LRRC49: variants seen among roughly 807,000 people sequenced by gnomAD.
LRRC49 encodes leucine-rich repeat-containing protein 49.
In LRRC49, 50 loss-of-function variants were observed where a neutral mutation model predicts 83.3. That is an observed-to-expected ratio of 0.60 (90% CI 0.48 to 0.76). The LOEUF (loss-of-function observed/expected upper bound fraction) is 0.76. LRRC49 is among the 30% of genes least tolerant of loss of function. The pLI is 0.00. For synonymous variants in LRRC49, 286 were observed against 283.3 expected, an observed-to-expected ratio of 1.01 and a Z score of -0.10; for missense variants, 704 against 809.1, an observed-to-expected ratio of 0.87 and a Z score of 1.58.
intron 13 of LRRC49, among the ~76,000 whole-genome samples, chr15:71,012,298 C>T (rs2038679951): frequency 6.6e-6 from 1 of 152,060 alleles, no homozygotes; most frequent in Non-Finnish European, 1.5e-5. Context: ...GGGAGAAAGA[C>T]TGATAGAATG....
At chr15:70,860,059 C>T (rs1469176895) in intron 1 of LRRC49, 5 of 734,856 alleles carry the variant, frequency 6.8e-6, no homozygotes, top group Non-Finnish European at 1.2e-5. Context: ...GCGCAGGCTC[C>T]AGCTCCTTCA....
chr15:70,883,406 C>T (rs2033319040), intron 2 of LRRC49, among the ~76,000 whole-genome samples: 1 of 152,084 alleles, frequency 6.6e-6, no homozygotes, highest in African/African-American at 2.4e-5. Context: ...GTTAGCCAGG[C>T]TGGTCTCGAA....
intron 2 of LRRC49, chr15:70,882,703 T>A: frequency 6.2e-7 from 1 of 1,612,298 alleles, no homozygotes; most frequent in South Asian, 1.1e-5. Context: ...TTTTCATATA[T>A]CTTTAATATA....
In LRRC49 at chr15:70,964,891, A is replaced by G. The variant is rs192518630; in HGVS notation, c.921+959A>G. On this transcript the variant is annotated intron_variant, in intron 9 of 15. Transcript: ENST00000260382. The stretch of plus-strand genomic sequence containing the variant: ...CTGACCTATTTCTTTGTATATTAGC[A>G]TCACAATGTGTGCAGTTTTCATTTA... 5.3e-4 allele frequency among the ~76,000 whole-genome samples: 80 copies of G among 152,292 alleles called. 1 individual carries two copies. The highest frequency in any genetic ancestry group is 8.8e-4 in the Non-Finnish European group (60 of 68,004).
At chr15:70,943,654 A>G (rs1462307205) in intron 8 of LRRC49, among the ~76,000 whole-genome samples, 1 of 152,146 alleles carries the variant, frequency 6.6e-6, no homozygotes, top group Admixed American at 6.5e-5. Flanking sequence ...TTACCAGTCA[A>G]CTGTTCCTAG....
At chr15:70,920,101 A>T (rs1486846787) in intron 7 of LRRC49, among the ~76,000 whole-genome samples, 1 of 152,148 alleles carries the variant, frequency 6.6e-6, no homozygotes, top group African/African-American at 2.4e-5. Context: ...CTATAGAAAA[A>T]CTGCTTTAAG....
At chr15:70,868,487 G>T (rs2032958852) in intron 1 of LRRC49, among the ~76,000 whole-genome samples, 1 of 152,188 alleles carries the variant, frequency 6.6e-6, no homozygotes, top group Non-Finnish European at 1.5e-5. Context: ...GAGGGCTTAG[G>T]CAGAACTCTT....
intron 12 of LRRC49, 25 bp from the exon 13 acceptor site, chr15:71,009,782 C>T (rs781421681): frequency 6.0e-6 from 9 of 1,506,284 alleles, no homozygotes; most frequent in Non-Finnish European, 8.2e-6. Context: ...ATGTTCTGAT[C>T]TGTATTTGTG....
intron 8 of LRRC49, among the ~76,000 whole-genome samples, chr15:70,960,820 A>G (rs958446499): frequency 2.0e-5 from 3 of 152,212 alleles, no homozygotes; most frequent in Non-Finnish European, 2.9e-5. Flanking sequence ...ACACAAAACC[A>G]TTAAACTTCT....
rs1166081858 is a variant in LRRC49 at position 70,893,593 on chromosome 15, G to C, written c.58G>C (p.Gly20Arg). 1 of 1,608,358 alleles carries C rather than the reference G, an allele frequency of 6.2e-7. No individual in the cohort carries two copies. Among genetic ancestry groups the C allele is most frequent in the African/African-American group, 1.3e-5 (1 of 74,588 alleles). ...SGRAANNVNC[G>R]LHLVIQTSSL... ...AATTTTTACATTTCAGGTGAACTGCGGGCTTCATCTGGTTATTCAAACATC... is the reference window on the plus strand; with the variant it reads ...AATTTTTACATTTCAGGTGAACTGCCGGCTTCATCTGGTTATTCAAACATC... Residue 20 changes from glycine to arginine, a missense_variant, in exon 2 of 16, where the codon GGG (glycine) becomes CGG (arginine). Physicochemically the swap from Gly to Arg is moderately radical, Grantham distance 125. This residue lies in a region of LRRC49 where 261 missense variants were observed against 330.5 expected (regional missense o/e 0.79). Coordinates refer to ENST00000260382, the MANE Select transcript of LRRC49 (RefSeq NM_017691.5).
intron 5 of LRRC49, chr15:70,908,059 GAAC>G (rs2034392887): frequency 2.2e-6 from 1 of 454,990 alleles, no homozygotes; most frequent in Non-Finnish European, 4.4e-6. Context: ...CAACTCATGA[GAAC>G]AAGAGAGCAA....
intron 9 of LRRC49, among the ~76,000 whole-genome samples, chr15:70,979,369 G>A (rs1022014998): frequency 2.6e-5 from 4 of 151,848 alleles, no homozygotes; most frequent in African/African-American, 4.8e-5. Flanking sequence ...TAAAATTAAG[G>A]TGTACAGTGT....
chr15:70,983,132 A>G (rs1300102872), intron 10 of LRRC49, among the ~76,000 whole-genome samples: 1 of 152,210 alleles, frequency 6.6e-6, no homozygotes, highest in African/African-American at 2.4e-5. Context: ...GCTGTAATTA[A>G]ATATTATCTT....
chr15:71,010,144 A>G, intron 13 of LRRC49, 152 bp downstream of exon 13: 1 of 474,914 alleles, frequency 2.1e-6, no homozygotes. Flanking sequence ...CAAAAGGCTA[A>G]GAATCTATTT....
chr15:71,024,558 A>G (rs1410957563), intron 14 of LRRC49, among the ~76,000 whole-genome samples: 1 of 152,148 alleles, frequency 6.6e-6, no homozygotes, highest in Non-Finnish European at 1.5e-5. Flanking sequence ...AACAACAACA[A>G]CAACAGCATA....
intron 11 of LRRC49, among the ~76,000 whole-genome samples, chr15:70,990,236 G>A (rs1030294820): frequency 6.6e-6 from 1 of 152,202 alleles, no homozygotes; most frequent in African/African-American, 2.4e-5. Flanking sequence ...TGCCCCCAGA[G>A]GTGGAGCCTA....
chr15:70,984,351 G>C (rs1442914710), intron 11 of LRRC49, 94 bp downstream of exon 11: 1 of 1,129,606 alleles, frequency 8.9e-7, no homozygotes, highest in Non-Finnish European at 1.2e-6. Flanking sequence ...TATTTTAAAA[G>C]GGTTTTCTTA....
intron 7 of LRRC49, among the ~76,000 whole-genome samples, chr15:70,929,136 G>T (rs1026015955): frequency 2.0e-5 from 3 of 152,012 alleles, no homozygotes; most frequent in African/African-American, 7.3e-5. Context: ...TTTTAAAAAT[G>T]ACCGTAGTTT....
At chr15:70,932,869 A>G (rs1185792904) in intron 7 of LRRC49, among the ~76,000 whole-genome samples, 1 of 151,788 alleles carries the variant, frequency 6.6e-6, no homozygotes, top group East Asian at 1.9e-4. Context: ...AGCTGGGACT[A>G]TAGGCACACG....
Sources: allele counts gnomAD v4.1 joint callset (sites outside exome capture counted in the v4.1 genomes callset), GRCh38; gene constraint gnomAD v4.1.1; regional missense constraint gnomAD v4.1.1; transcripts MANE v1.5; gene names NCBI Gene and HGNC (gene_info 2026-07-23, HGNC 2026-07-21).